Variants in NCOR2 observed in about 807,000 individuals in gnomAD.
NCOR2 encodes CTG repeat protein 26.
NCOR2 carries 81 observed loss-of-function variants against 262.9 expected under a neutral mutation model. The ratio of observed to expected loss-of-function variants is 0.31; its 90% CI spans 0.26 to 0.37. NCOR2 has a LOEUF of 0.37. NCOR2 is among the 10% of genes least tolerant of loss of function. The probability of loss-of-function intolerance (pLI) is 1.00; values close to 1 mark genes in which losing one functional copy is unlikely to be tolerated. For missense variants in NCOR2, 3,385 were observed against 3,621.4 expected, an observed-to-expected ratio of 0.93 and a Z score of 1.68; for synonymous variants, 1,659 against 1,559.3, an observed-to-expected ratio of 1.06 and a Z score of -1.51.
intron 11 of NCOR2, among the ~76,000 whole-genome samples, 196 bp downstream of exon 13, chr12:124,426,426 C>T (rs1303740260): frequency 6.6e-5 from 10 of 152,230 alleles, no homozygotes; most frequent in African/African-American, 1.9e-4. Context: ...CTCTCCCTTA[C>T]GGCCCCCAGA....
Position 124,503,498 on chromosome 12 carries a change from A to AT in NCOR2, c.-117-8131dup, listed in dbSNP as rs2048858312. On this transcript the variant is annotated intron_variant, in intron 1 of 46. Coordinates refer to the NCOR2 transcript ENST00000404621. The surrounding 1 kb of genome is among the most constrained non-coding windows in gnomAD (Gnocchi z 4.3). ...GGATGGATGGATGATGGATTGATGG[A>AT]TGGATGGATGGATGGACAGAGGATG... 2.6e-5 allele frequency among the ~76,000 whole-genome samples: 4 copies of AT among 151,184 alleles called. No individual in the cohort carries two copies. Among genetic ancestry groups the AT allele is most frequent in the African/African-American group, 9.8e-5 (4 of 40,910 alleles).
At chr12:124,561,383 T>C (rs916167077) in intron 1 of NCOR2, among the ~76,000 whole-genome samples, 1 of 152,190 alleles carries the variant, frequency 6.6e-6, no homozygotes, top group African/African-American at 2.4e-5. Flanking sequence ...CGTGACTGCC[T>C]TGGGGAACAG....
At chr12:124,325,377 G>GGCCCCCCCCCCCCC in exon 47 of NCOR2, 1 of 246,788 alleles carries the variant, frequency 4.1e-6, no homozygotes, top group Non-Finnish European at 6.6e-6. Context: ...ACCTGACACC[G>GGCCCCCCCCCCCCC]CCCCCCCCCC....
At chr12:124,350,936 A>C (rs1012874017) in intron 27 of NCOR2, among the ~76,000 whole-genome samples, 199 bp from the exon 30 acceptor site, 1 of 152,246 alleles carries the variant, frequency 6.6e-6, no homozygotes, top group African/African-American at 2.4e-5. Flanking sequence ...TCCCTTGTCA[A>C]GTGCTTCCCA....
chr12:124,326,396 G>A, intron 45 of NCOR2, 26 bp from the exon 48 acceptor site: 1 of 1,472,876 alleles, frequency 6.8e-7, no homozygotes. Context: ...ATGGGAAGGG[G>A]CTGCGTTGGG....
chr12:124,398,778 G>A (rs138784918), intron 15 of NCOR2, among the ~76,000 whole-genome samples: 14 of 152,336 alleles, frequency 9.2e-5, no homozygotes, highest in African/African-American at 3.4e-4. Flanking sequence ...GTCCCCTAGT[G>A]GGGGAGTAAA....
intron 16 of NCOR2, among the ~76,000 whole-genome samples, chr12:124,397,399 G>C (rs995254921): frequency 2.0e-5 from 3 of 152,176 alleles, no homozygotes; most frequent in Non-Finnish European, 4.4e-5. Flanking sequence ...TAAAGATCTT[G>C]GCCAGGAGAC....
At chr12:124,424,768 A>G (rs1347352706) in intron 11 of NCOR2, among the ~76,000 whole-genome samples, 8 of 152,152 alleles carry the variant, frequency 5.3e-5, no homozygotes, top group Non-Finnish European at 1.2e-4. Flanking sequence ...GCTTTGGAGG[A>G]AGCTCTTGTC....
At chr12:124,379,710 C>T (rs913307996) in intron 17 of NCOR2, among the ~76,000 whole-genome samples, 2 of 152,196 alleles carry the variant, frequency 1.3e-5, no homozygotes, top group African/African-American at 2.4e-5. Context: ...CACATCAACC[C>T]GGAACCTCAG....
At chr12:124,325,858 C>T (rs1381347520) in intron 46 of NCOR2, among the ~76,000 whole-genome samples, 1 of 152,132 alleles carries the variant, frequency 6.6e-6, no homozygotes, top group African/African-American at 2.4e-5. Context: ...CCTTCTGACC[C>T]TATGTTAGAT....
At position 124,549,628 on chromosome 12, in the gene NCOR2, T is replaced by TC. The variant is rs2051650371; in HGVS notation, c.-164-14018dup. ...CATCACAGCCACAGTGACTCCTGAC[T>TC]CCCCACTGCAACCCAGGAGGTAAAT... On this transcript the variant is annotated intron_variant, in intron 1 of 32. Transcript: ENST00000458234. This position sits in a 1 kb window ranked among gnomAD's most constrained non-coding sequence, Gnocchi z 4.4. 6.6e-6 allele frequency among the ~76,000 whole-genome samples: 1 copy of TC among 151,972 alleles called. No homozygotes were observed. Among genetic ancestry groups the TC allele is most frequent in the Non-Finnish European group, 1.5e-5 (1 of 68,000 alleles).
intron 1 of NCOR2, among the ~76,000 whole-genome samples, chr12:124,521,673 A>G (rs1379344637): frequency 6.6e-6 from 1 of 152,134 alleles, no homozygotes; most frequent in African/African-American, 2.4e-5. Context: ...TTTTGGATAG[A>G]AGGGGTGGGT....
intron 1 of NCOR2, among the ~76,000 whole-genome samples, chr12:124,520,906 A>G (rs1467766722): frequency 1.3e-5 from 2 of 152,142 alleles, no homozygotes; most frequent in Non-Finnish European, 2.9e-5. Context: ...CCCCCAGAAT[A>G]TGATTCACCG....
At chr12:124,460,535 G>C (rs1011565446) in intron 5 of NCOR2, among the ~76,000 whole-genome samples, 4 of 152,184 alleles carry the variant, frequency 2.6e-5, no homozygotes, top group African/African-American at 9.7e-5. Context: ...TCCACATCCC[G>C]GATGTGCCTG....
chr12:124,354,431 G>A (rs748687433), intron 26 of NCOR2, 47 bp downstream of exon 28: 52 of 1,436,218 alleles, frequency 3.6e-5, no homozygotes, highest in Non-Finnish European at 4.4e-5. Flanking sequence ...TTGGGCACCC[G>A]AGGAACAGGG....
chr12:124,325,510 C>T (rs779779730), exon 47 of NCOR2: 53 of 1,352,564 alleles, frequency 3.9e-5, no homozygotes, highest in Admixed American at 1.2e-4. Flanking sequence ...CGGGGAGGCC[C>T]GGTGGGGGTG....
intron 14 of NCOR2, 68 bp downstream of exon 16, chr12:124,402,336 C>T: frequency 6.3e-7 from 1 of 1,598,892 alleles, no homozygotes; most frequent in African/African-American, 1.3e-5. Context: ...CAAAGGGTCC[C>T]CCAGAACCGT....
At chr12:124,356,045 C>T (rs570965230) in intron 23 of NCOR2, among the ~76,000 whole-genome samples, 1 of 152,372 alleles carries the variant, frequency 6.6e-6, no homozygotes, top group Admixed American at 6.5e-5. Flanking sequence ...GGGCACCGAG[C>T]TTCGGCAGTG....
intron 13 of NCOR2, among the ~76,000 whole-genome samples, chr12:124,404,664 G>A (rs901500133): frequency 2.6e-5 from 4 of 152,204 alleles, no homozygotes; most frequent in Non-Finnish European, 4.4e-5. Flanking sequence ...CTTCCCCACC[G>A]CAGCTCTCCT....
Sources: allele counts gnomAD v4.1 joint callset (sites outside exome capture counted in the v4.1 genomes callset), GRCh38; gene constraint gnomAD v4.1.1; non-coding constraint Gnocchi (gnomAD v3.1); transcripts MANE v1.5; gene names NCBI Gene and HGNC (gene_info 2026-07-23, HGNC 2026-07-21).